Variants in NDRG3 observed in about 807,000 individuals in gnomAD.
NDRG3 encodes the protein protein NDRG3.
A neutral mutation model predicts 57.2 loss-of-function variants in NDRG3; 23 were observed. The ratio of observed to expected loss-of-function variants is 0.40; its 90% confidence interval spans 0.29 to 0.57. The LOEUF is 0.57. Ranked by LOEUF, NDRG3 falls within the 20% of genes least tolerant of loss-of-function variation. The pLI, the probability that NDRG3 is intolerant of heterozygous loss-of-function variation, is 0.42. For missense variants in NDRG3, 384 were observed against 457.3 expected (o/e 0.84, Z 1.46); for synonymous variants, 132 against 162.6 (o/e 0.81, Z 1.43).
At chr20:36,728,157 C>T (rs990568795) in intron 1 of NDRG3, among the ~76,000 whole-genome samples, 1 of 151,682 alleles carries the variant, frequency 6.6e-6, no homozygotes, top group Non-Finnish European at 1.5e-5. Context: ...AAGTTCACGC[C>T]ATTCTCCTGC....
intron 1 of NDRG3, among the ~76,000 whole-genome samples, chr20:36,723,659 A>AGTGTGTGTGT (rs36022065): frequency 0.016 from 2,090 of 132,902 alleles, 23 homozygotes; most frequent in African/African-American, 0.021. Flanking sequence ...ATATTAGTCT[A>AGTGTGTGTGT]GTGTGTGTGT....
chr20:36,739,779 G>A (rs1358959380), intron 1 of NDRG3, among the ~76,000 whole-genome samples: 3 of 150,812 alleles, frequency 2.0e-5, no homozygotes, highest in Non-Finnish European at 4.4e-5. Flanking sequence ...GTGCGGTGGC[G>A]GGCGCCTGTA....
chr20:36,664,985 G>A lies in NDRG3; in HGVS notation c.810+61C>T, dbSNP rs1287403090. The A allele has an allele frequency of 3.3e-6, 5 of 1,519,680 alleles. No individual in the cohort carries two copies. The African/African-American group carries it at 5.5e-5, about 17-fold the overall frequency. 94.1% of individuals were successfully genotyped at this position (1,519,680 alleles called of 1,614,324 possible). On this transcript the variant is annotated intron_variant, in intron 12 of 15. Coordinates refer to ENST00000349004, the MANE Select transcript of NDRG3 (RefSeq NM_032013.4). The stretch of plus-strand genomic sequence containing the variant: ...AATACAGGCGTGAGCCACTGCACCT[G>A]GCCTACACATTTTATTACATTTTGA...
chr20:36,732,983 T>C (rs1388300370), intron 1 of NDRG3, among the ~76,000 whole-genome samples: 2 of 150,262 alleles, frequency 1.3e-5, no homozygotes, highest in Non-Finnish European at 3.0e-5. Flanking sequence ...CCTGTGTCTA[T>C]AAAAAATACA....
intron 2 of NDRG3, among the ~76,000 whole-genome samples, chr20:36,719,895 T>TCA (rs879770554): frequency 6.6e-6 from 1 of 151,866 alleles, no homozygotes; most frequent in Admixed American, 6.6e-5. Context: ...GGCAGGTAGA[T>TCA]CACAAGGTCA....
chr20:36,700,240 T>C (rs1414022319), intron 3 of NDRG3, among the ~76,000 whole-genome samples: 1 of 152,006 alleles, frequency 6.6e-6, no homozygotes, highest in Non-Finnish European at 1.5e-5. Flanking sequence ...TTTTTAGGGA[T>C]ATCTCAGCCC....
intron 5 of NDRG3, among the ~76,000 whole-genome samples, chr20:36,687,213 G>C (rs1981860336): frequency 1.2e-5 from 1 of 80,034 alleles, no homozygotes; most frequent in Non-Finnish European, 3.2e-5. Flanking sequence ...ACAGTGAGGA[G>C]TAGATGTTCC....
At chr20:36,663,656 T>C (rs895029991) in intron 12 of NDRG3, among the ~76,000 whole-genome samples, 20 of 152,210 alleles carry the variant, frequency 1.3e-4, no homozygotes, top group African/African-American at 4.3e-4. Flanking sequence ...TACTGGTATA[T>C]CCTTTCTGGA....
At chr20:36,679,282 G>GT (rs1444390084) in intron 8 of NDRG3, among the ~76,000 whole-genome samples, 1 of 152,034 alleles carries the variant, frequency 6.6e-6, no homozygotes, top group Admixed American at 6.6e-5. Flanking sequence ...TTGGAAAACT[G>GT]TTTGATTATA....
chr20:36,737,691 A>G (rs1429383205), intron 1 of NDRG3, among the ~76,000 whole-genome samples: 2 of 152,016 alleles, frequency 1.3e-5, no homozygotes, highest in African/African-American at 4.8e-5. Context: ...CTCTATAACC[A>G]ATTTTCCCCA....
intron 8 of NDRG3, among the ~76,000 whole-genome samples, chr20:36,675,584 C>T (rs1333512832): frequency 6.6e-6 from 1 of 151,886 alleles, no homozygotes; most frequent in Non-Finnish European, 1.5e-5. Flanking sequence ...CGGGGTTTCT[C>T]CATGTTGGTC....
chr20:36,657,570 A>G (rs1216797598), intron 13 of NDRG3, among the ~76,000 whole-genome samples: 1 of 152,054 alleles, frequency 6.6e-6, no homozygotes, highest in Non-Finnish European at 1.5e-5. Flanking sequence ...TTTTTAGGGC[A>G]TGTTGGCCAT....
intron 2 of NDRG3, 111 bp downstream of exon 2, chr20:36,721,568 T>A: frequency 1.5e-6 from 1 of 658,844 alleles, no homozygotes; most frequent in South Asian, 2.1e-5. Context: ...TTCCTTTCAT[T>A]GAAAGTCAAG....
chr20:36,706,344 G>A (rs557445885), intron 3 of NDRG3, among the ~76,000 whole-genome samples: 1 of 152,096 alleles, frequency 6.6e-6, no homozygotes, highest in East Asian at 1.9e-4. Flanking sequence ...CTGCGGTAAG[G>A]TAGCAACCCT....
At chr20:36,707,401 C>A (rs1232230477) in intron 2 of NDRG3, among the ~76,000 whole-genome samples, 3 of 152,042 alleles carry the variant, frequency 2.0e-5, no homozygotes, top group Non-Finnish European at 4.4e-5. Flanking sequence ...GAGACCAAAG[C>A]TGAGAAAGGT....
intron 1 of NDRG3, among the ~76,000 whole-genome samples, chr20:36,735,699 A>G (rs775341557): frequency 2.0e-5 from 3 of 152,066 alleles, no homozygotes; most frequent in Non-Finnish European, 4.4e-5. Context: ...GGAAAGAAAG[A>G]ATTAAAGACA....
rs11466997 is a variant in NDRG3, at chr20:36,746,079, A to AGCGGCGGCG, written c.-92_-84dup. The AGCGGCGGCG allele has an allele frequency of 1.9e-3, 480 of 251,396 alleles. 2 individuals carry two copies. The highest frequency in any genetic ancestry group is 9.3e-3 in the Admixed American group (162 of 17,400). The allele number at this position is 251,396 out of a possible 1,614,324, so 15.6% of individuals were successfully genotyped here. On this transcript the variant is annotated 5_prime_UTR_variant, in exon 1 of 16. Transcript: ENST00000349004. ...GGGCACCCGCCGTCAGTGCAGCAGCAGCGGCGGCGGCGGCGGCGGCGGCGG... is the reference window on the plus strand; with the variant it reads ...GGGCACCCGCCGTCAGTGCAGCAGCAGCGGCGGCGGCGGCGGCGGCGGCGGCGGCGGCGG...
Position 36,656,383 on chromosome 20 carries a change from TA to T in NDRG3, c.922del (p.Tyr308ThrfsTer14). 1.2e-6 allele frequency: 2 copies of T among 1,614,126 alleles called. No individual in the cohort carries two copies. Among genetic ancestry groups the T allele is most frequent in the Non-Finnish European group, 1.7e-6 (2 of 1,180,020 alleles). Reference protein sequence around the residue: ...QPGKLTEAFKYFLQGMGYIPS... With the variant: ...QPGKLTEAFKXFLQGMGYIPS... ...ACTGTAGCCCATTCCCTGCAAAAAG[TA>T]CTTGAAGGCCTCGGTGAGCTTCCCA... is the stretch of plus-strand genomic sequence containing the variant. On this transcript the variant is annotated frameshift_variant, in exon 15 of 16. Coordinates refer to ENST00000349004, the MANE Select transcript of NDRG3 (RefSeq NM_032013.4). LOFTEE classifies it high-confidence loss of function.
intron 13 of NDRG3, among the ~76,000 whole-genome samples, chr20:36,658,324 GT>G (rs1234878324): frequency 6.6e-6 from 1 of 152,054 alleles, no homozygotes; most frequent in African/African-American, 2.4e-5. Flanking sequence ...TAGAGATGAG[GT>G]TTCATCATGT....
Sources: gnomAD v4.1 joint callset for allele counts (sites outside exome capture counted in the v4.1 genomes callset) on GRCh38, gnomAD v4.1.1 for gene constraint, MANE v1.5 for transcripts, NCBI Gene and HGNC (gene_info 2026-07-23, HGNC 2026-07-21) for gene names.